Variants in TSHZ3 observed in about 807,000 individuals in gnomAD.
TSHZ3 encodes the protein teashirt homolog 3.
TSHZ3 carries 10 observed loss-of-function variants against 64.5 expected under a neutral mutation model. That is an observed-to-expected ratio of 0.16 (90% CI 0.10 to 0.26). The LOEUF is 0.26. Among genes scored for constraint, TSHZ3 ranks in the 10% least tolerant of loss-of-function variants. The pLI is 1.00. For synonymous variants in TSHZ3, 608 were observed against 593.1 expected (o/e 1.03, Z -0.36); for missense variants, 1,242 against 1,421.7 (o/e 0.87, Z 2.03).
chr19:31,263,574 G>C (rs757146127), intron 1 of TSHZ3, among the ~76,000 whole-genome samples: 8 of 152,192 alleles, frequency 5.3e-5, no homozygotes, highest in Non-Finnish European at 7.3e-5. Context: ...TATTGGGGGA[G>C]GGACTTCCTG....
chr19:31,251,250 A>T (rs930768410), intron 1 of TSHZ3, among the ~76,000 whole-genome samples: 7 of 152,024 alleles, frequency 4.6e-5, no homozygotes, highest in Admixed American at 4.6e-4. Context: ...GATACAGGGG[A>T]CATGTCTGCC....
intron 1 of TSHZ3, among the ~76,000 whole-genome samples, chr19:31,253,149 T>C (rs1283326437): frequency 6.6e-6 from 1 of 152,180 alleles, no homozygotes; most frequent in Non-Finnish European, 1.5e-5. Context: ...CAGGGTGAGG[T>C]ATCCTCGTGC....
downstream of TSHZ3, among the ~76,000 whole-genome samples, chr19:31,270,536 T>C (rs1006986696): frequency 6.6e-6 from 1 of 152,172 alleles, no homozygotes; most frequent in Non-Finnish European, 1.5e-5. Flanking sequence ...GTCACTATGT[T>C]GCCCCTGGCC....
chr19:31,326,043 T>C (rs1272447667), intron 1 of TSHZ3, among the ~76,000 whole-genome samples: 1 of 152,230 alleles, frequency 6.6e-6, no homozygotes, highest in Non-Finnish European at 1.5e-5. Flanking sequence ...TTATCACATA[T>C]ATACCCATCA....
At chr19:31,155,664 G>A (rs190027353) in intron 6 of TSHZ3, among the ~76,000 whole-genome samples, 2 of 152,264 alleles carry the variant, frequency 1.3e-5, no homozygotes, top group Admixed American at 6.5e-5. Context: ...ACTGCTTACC[G>A]TAGGACTTTA....
chr19:31,200,798 T>C (rs1975072485), intron 5 of TSHZ3, among the ~76,000 whole-genome samples: 1 of 152,078 alleles, frequency 6.6e-6, no homozygotes. Context: ...GTGTGGGCTG[T>C]TGGTAATGGG....
chr19:31,299,581 A>G (rs1976720317), intron 1 of TSHZ3, among the ~76,000 whole-genome samples: 1 of 152,142 alleles, frequency 6.6e-6, no homozygotes, highest in Admixed American at 6.5e-5. Flanking sequence ...ACCCTGTGAC[A>G]AGGTTATGGG....
chr19:31,269,065 T>C (rs1475674134), intron 1 of TSHZ3, among the ~76,000 whole-genome samples: 2 of 152,154 alleles, frequency 1.3e-5, no homozygotes, highest in South Asian at 4.2e-4. Flanking sequence ...AAAGCCGCCT[T>C]CCTCTATCTC....
Position 31,278,485 on chromosome 19 carries a change from G to A in TSHZ3, c.1308C>T (p.Thr436=). ...CGGACTGGACCTTCTCATCCAGCAG[G>A]GTTGTGATGGTAGGTGTGACAGGCG... is the stretch of plus-strand genomic sequence containing the variant. ...VETPVTPTIT[T]LLDEKVQSVP... Residue 436 remains threonine, a synonymous_variant, in exon 2 of 2, where the codon ACC becomes ACT. Transcript: ENST00000240587. This position sits in a 1 kb window ranked among gnomAD's most constrained non-coding sequence, Gnocchi z 4.7. 1 of 1,614,148 alleles carries A rather than the reference G, an allele frequency of 6.2e-7. No individual in the cohort carries two copies. The highest frequency in any genetic ancestry group is 8.5e-7 in the Non-Finnish European group (1 of 1,180,034).
intron 1 of TSHZ3, among the ~76,000 whole-genome samples, chr19:31,338,426 G>A (rs905855098): frequency 2.0e-5 from 3 of 152,164 alleles, no homozygotes; most frequent in Non-Finnish European, 2.9e-5. Flanking sequence ...GCAGGGAGCC[G>A]CAAAAGATTA....
upstream of TSHZ3, among the ~76,000 whole-genome samples, chr19:31,350,013 C>T (rs1388060584): frequency 6.8e-6 from 1 of 148,070 alleles, no homozygotes; most frequent in Admixed American, 6.6e-5. Flanking sequence ...GCGCCAGCCC[C>T]GCCGAGCCCG....
intron 4 of TSHZ3, among the ~76,000 whole-genome samples, chr19:31,226,977 C>CTTTCT (rs11419299): frequency 3.0e-5 from 2 of 65,682 alleles, no homozygotes; most frequent in East Asian, 4.3e-4. Context: ...TTCTTTCTTT[C>CTTTCT]TTTTTTTTTT....
At chr19:31,272,220 G>C (rs1048318614), downstream of TSHZ3, among the ~76,000 whole-genome samples, 8 of 152,124 alleles carry the variant, frequency 5.3e-5, no homozygotes, top group Admixed American at 3.9e-4. Context: ...CCCCAAGATG[G>C]AGCTGGACGG....
chr19:31,172,810 A>G (rs1413783364), intron 5 of TSHZ3, among the ~76,000 whole-genome samples: 1 of 152,222 alleles, frequency 6.6e-6, no homozygotes, highest in Admixed American at 6.5e-5. Context: ...TTTAAAATGG[A>G]GGGAGCCATG....
At chr19:31,213,356 C>CAAAA (rs35192337) in intron 4 of TSHZ3, among the ~76,000 whole-genome samples, 1,457 of 23,300 alleles carry the variant, frequency 0.063, 571 homozygotes, top group East Asian at 0.089. Context: ...GACTCTGTCT[C>CAAAA]AAAAAAAAAA....
chr19:31,314,722 G>A (rs187394601), intron 1 of TSHZ3, among the ~76,000 whole-genome samples: 5 of 152,188 alleles, frequency 3.3e-5, no homozygotes, highest in East Asian at 1.9e-4. Context: ...GAAATTAACC[G>A]TTTGGATGAA....
At chr19:31,206,377 G>T (rs1406563743) in intron 4 of TSHZ3, among the ~76,000 whole-genome samples, 1 of 152,112 alleles carries the variant, frequency 6.6e-6, no homozygotes, top group East Asian at 1.9e-4. Flanking sequence ...GGATGGATAG[G>T]TGGAGAGATG....
At chr19:31,258,443 C>T (rs903935) in intron 1 of TSHZ3, among the ~76,000 whole-genome samples, 2 of 152,008 alleles carry the variant, frequency 1.3e-5, no homozygotes, top group African/African-American at 2.4e-5. Context: ...GTCCTCAACC[C>T]GGGAAATCGC....
chr19:31,226,973 C>CTTTTTTTTTTTT (rs1255178594), intron 4 of TSHZ3, among the ~76,000 whole-genome samples: 10 of 68,144 alleles, frequency 1.5e-4, no homozygotes, highest in African/African-American at 7.2e-4. Flanking sequence ...TTCTTTCTTT[C>CTTTTTTTTTTTT]TTTCTTTTTT....
Sources: gnomAD v4.1 joint callset for allele counts (sites outside exome capture counted in the v4.1 genomes callset) on GRCh38, gnomAD v4.1.1 for gene constraint, Gnocchi (gnomAD v3.1) non-coding constraint, MANE v1.5 for transcripts, NCBI Gene and HGNC (gene_info 2026-07-23, HGNC 2026-07-21) for gene names.